The following AGRN variants were observed in gnomAD, a reference collection of about 807,000 sequenced individuals.
AGRN encodes the protein agrin proteoglycan.
A neutral mutation model predicts 211.0 loss-of-function variants in AGRN; 106 were observed. That is an observed-to-expected ratio of 0.50 (90% CI 0.43 to 0.59). AGRN has a LOEUF of 0.59. AGRN is among the 20% of genes least tolerant of loss of function. The probability of loss-of-function intolerance (pLI) is 0.00; values close to 1 mark genes in which losing one functional copy is unlikely to be tolerated. For synonymous variants in AGRN, 1,525 were observed against 1,332.5 expected (o/e 1.14, Z -3.15); for missense variants, 3,040 against 2,982.6 (o/e 1.02, Z -0.45).
At chr1:1,022,492 T>G (rs1392633826) in intron 2 of AGRN, 30 bp downstream of exon 2, 1 of 1,579,258 alleles carries the variant, frequency 6.3e-7, no homozygotes. Flanking sequence ...TGTGGGGGCC[T>G]GTGGGGGTCA....
chr1:1,049,075 AC>A lies in AGRN; in HGVS notation c.4298+17del. On this transcript the variant is annotated intron_variant, in intron 24 of 35. Coordinates refer to ENST00000379370, the MANE Select transcript of AGRN (RefSeq NM_198576.4). ...TGCAGCTCAGGTGGGCGGGGAGGGG[AC>A]GGGGCCGGGGCAGCTCAGGTGGGCG... 2.2e-6 allele frequency: 3 copies of A among 1,388,124 alleles called. No homozygotes were observed. Among genetic ancestry groups the A allele is most frequent in the Non-Finnish European group, 2.9e-6 (3 of 1,045,998 alleles). The allele number at this position is 1,388,124 out of a possible 1,614,324, so 86.0% of individuals were successfully genotyped here. A position where few individuals can be genotyped will look rare whatever the true frequency, so the allele number is the denominator to read the frequency against.
chr1:1,039,848 G>A (rs1206798688), intron 3 of AGRN, among the ~76,000 whole-genome samples: 1 of 152,074 alleles, frequency 6.6e-6, no homozygotes, highest in Non-Finnish European at 1.5e-5. Flanking sequence ...GTGCCCCAGG[G>A]ATCCCAGGGA....
chr1:1,030,022 C>CGT (rs1407959118), intron 2 of AGRN, among the ~76,000 whole-genome samples: 3 of 76,642 alleles, frequency 3.9e-5, no homozygotes, highest in Admixed American at 1.6e-4. Flanking sequence ...GTGAGATCAG[C>CGT]ATGTGTGTGT....
At position 1,055,025 on chromosome 1, in the gene AGRN, T is replaced by C; in HGVS notation, c.*44T>C. 6.5e-7 allele frequency: 1 copy of C among 1,542,832 alleles called. No homozygotes were observed. The highest frequency in any genetic ancestry group is 8.7e-7 in the Non-Finnish European group (1 of 1,146,428). ...CGCCCGCTGTAATTATTTTCTATTT[T>C]TGTAAACTTGTTGCTTTTTGATATG... On this transcript the variant is annotated 3_prime_UTR_variant, in exon 36 of 36. Transcript: ENST00000379370.
At position 1,050,066 on chromosome 1, in the gene AGRN, G is replaced by T. The variant is rs2275812; in HGVS notation, c.4879+29G>T. 0.44 allele frequency: 592,077 copies of T among 1,355,900 alleles called. 122,381 individuals carry two copies. The highest frequency in any genetic ancestry group is 0.47 in the Non-Finnish European group (469,572 of 994,170). 84.0% of individuals were successfully genotyped at this position (1,355,900 alleles called of 1,614,324 possible). ...GGGGGCGTGGGGCTCTCGGGGCAGG[G>T]GGGGGGGGGGGGTTGAACGTTTGGG... On this transcript the variant is annotated intron_variant, in intron 27 of 35. Coordinates refer to ENST00000379370, the MANE Select transcript of AGRN (RefSeq NM_198576.4).
rs1248943078 is a variant in AGRN, at chr1:1,020,143, C to T, written c.-30C>T. 1.5e-5 allele frequency: 18 copies of T among 1,201,384 alleles called. No homozygotes were observed. The East Asian group carries it at 6.1e-4, about 41-fold the overall frequency. The allele number at this position is 1,201,384 out of a possible 1,614,324, so 74.4% of individuals were successfully genotyped here. On this transcript the variant is annotated 5_prime_UTR_variant, in exon 1 of 36. Transcript: ENST00000379370. ...CCAGTCCCGTCCCCGGCGCGGCCCG[C>T]GCGCTCCTCCGCCGCCTCTCGCCTG...
Position 1,051,448 on chromosome 1 carries a change from T to C in AGRN, c.5371-5T>C, listed in dbSNP as rs1361101124. 3.9e-6 allele frequency: 6 copies of C among 1,552,860 alleles called. No individual in the cohort carries two copies. Among genetic ancestry groups the C allele is most frequent in the Non-Finnish European group, 5.2e-6 (6 of 1,153,978 alleles). On this transcript the variant is annotated splice_polypyrimidine_tract_variant and splice_region_variant and intron_variant, in intron 31 of 35. Coordinates refer to ENST00000379370, the MANE Select transcript of AGRN (RefSeq NM_198576.4). The stretch of plus-strand genomic sequence containing the variant: ...GCGGGACAAGGCCCTCACCCTGCCC[T>C]GCAGGTCTCCCTCGGAGGCCGCCAG...
chr1:1,049,544 C>T (rs1293208181), intron 25 of AGRN, 22 bp from the exon 26 acceptor site: 25 of 1,590,064 alleles, frequency 1.6e-5, no homozygotes, highest in Non-Finnish European at 2.0e-5. Flanking sequence ...GAGCCCTGAC[C>T]CGGTGTCCCT....
intron 2 of AGRN, among the ~76,000 whole-genome samples, chr1:1,033,859 G>C (rs1644734314): frequency 1.3e-5 from 2 of 150,062 alleles, no homozygotes; most frequent in South Asian, 4.3e-4. Context: ...CGCCTGCCCG[G>C]CGTTCCCTTT....
At chr1:1,024,245 C>A (rs1477502176) in intron 2 of AGRN, among the ~76,000 whole-genome samples, 1 of 152,040 alleles carries the variant, frequency 6.6e-6, no homozygotes, top group Admixed American at 6.5e-5. Context: ...CCCTGAGGGA[C>A]AAGGTCTCTG....
At chr1:1,029,405 A>T (rs1644598242) in intron 2 of AGRN, among the ~76,000 whole-genome samples, 1 of 94,126 alleles carries the variant, frequency 1.1e-5, no homozygotes, top group African/African-American at 4.3e-5. Context: ...CTATGCAGGC[A>T]GGTGGGGGGG....
At position 1,020,223 on chromosome 1, in the gene AGRN, TGTG is replaced by T. The variant is rs1039651972; in HGVS notation, c.56_58del (p.Val19del). 2.5e-5 allele frequency: 35 copies of T among 1,415,852 alleles called. No homozygotes were observed. Among genetic ancestry groups the T allele is most frequent in the African/African-American group, 9.0e-5 (6 of 66,706 alleles). 87.7% of individuals were successfully genotyped at this position (1,415,852 alleles called of 1,614,324 possible). A position where few individuals can be genotyped will look rare whatever the true frequency, so the allele number is the denominator to read the frequency against. On this transcript the variant is annotated inframe_deletion, in exon 1 of 36. Coordinates refer to ENST00000379370, the MANE Select transcript of AGRN (RefSeq NM_198576.4). ...CGCTGCGGCCGCTGCTGCCGCTCCT[TGTG>T]GTGGCCGCGTGCGTCCTGCCCGGAG...
intron 2 of AGRN, chr1:1,034,918 A>C: frequency 5.1e-6 from 2 of 391,568 alleles, no homozygotes; most frequent in Non-Finnish European, 9.2e-6. Flanking sequence ...TTTCTGCGGG[A>C]GCTGGGGAGG....
At chr1:1,020,804 A>T (rs1644381264) in intron 1 of AGRN, among the ~76,000 whole-genome samples, 1 of 125,702 alleles carries the variant, frequency 8.0e-6, no homozygotes, top group Non-Finnish European at 1.6e-5. Context: ...GCACAGCCTG[A>T]GCTCCCAACC....
chr1:1,049,117 G>A (rs1213775535), intron 24 of AGRN, 58 bp downstream of exon 24: 2 of 992,622 alleles, frequency 2.0e-6, no homozygotes, highest in South Asian at 1.9e-5. Flanking sequence ...GGGACGGGCG[G>A]GGGAGGGGGG....
Position 1,050,213 on chromosome 1 carries a change from C to A in AGRN, c.4880-20C>A. On this transcript the variant is annotated intron_variant, in intron 27 of 35. Transcript: ENST00000379370. ...AGGCCCCGGGGGTCAGGACTGAGGC[C>A]TTGGTGACTCTCCCTACAGCCTCGG... The A allele has an allele frequency of 1.2e-6, 2 of 1,612,710 alleles. No homozygotes were observed. Among genetic ancestry groups the A allele is most frequent in the Non-Finnish European group, 1.7e-6 (2 of 1,179,660 alleles).
chr1:1,029,238 A>T (rs1277618119), intron 2 of AGRN, among the ~76,000 whole-genome samples: 1 of 152,176 alleles, frequency 6.6e-6, no homozygotes, highest in African/African-American at 2.4e-5. Context: ...CGGGTGCCCA[A>T]CCAGAGTGTG....
Position 1,055,036 on chromosome 1 carries a change from T to C in AGRN, c.*55T>C, listed in dbSNP as rs1557728089. 2 of 1,540,714 alleles carry C rather than the reference T, an allele frequency of 1.3e-6. No homozygotes were observed. The highest frequency in any genetic ancestry group is 1.7e-6 in the Non-Finnish European group (2 of 1,146,150). ...ATTATTTTCTATTTTTGTAAACTTG[T>C]TGCTTTTTGATATGATTTTCTTGCC... On this transcript the variant is annotated 3_prime_UTR_variant, in exon 36 of 36. Transcript: ENST00000379370.
rs1163015669 is a variant in AGRN at position 1,054,313 on chromosome 1, G to A, written c.5877-135G>A. On this transcript the variant is annotated intron_variant, in intron 34 of 35. Transcript: ENST00000379370. ...TTGGGGTCAAGGCCACCTCATCCTT[G>A]CCCCCAGGGGTGATACCTCGGGGGT... 2.4e-6 allele frequency: 2 copies of A among 817,214 alleles called. 1 individual carries two copies. The highest frequency in any genetic ancestry group is 3.4e-5 in the African/African-American group (2 of 58,520). The allele number at this position is 817,214 out of a possible 1,614,324, so 50.6% of individuals were successfully genotyped here.
Sources: gnomAD v4.1 joint callset for allele counts (sites outside exome capture counted in the v4.1 genomes callset) on GRCh38, gnomAD v4.1.1 for gene constraint, MANE v1.5 for transcripts, NCBI Gene and HGNC (gene_info 2026-07-23, HGNC 2026-07-21) for gene names.